Variants in GMDS observed in about 807,000 individuals in gnomAD.
GMDS encodes the protein GDP-mannose 4,6 dehydratase.
GMDS carries 20 observed loss-of-function variants against 49.9 expected under a neutral mutation model. The ratio of observed to expected loss-of-function variants is 0.40; its 90% CI spans 0.28 to 0.58. GMDS has a LOEUF of 0.58. GMDS is among the 20% of genes least tolerant of loss of function. GMDS has a pLI of 0.42. For missense variants in GMDS, 362 were observed against 481.4 expected (o/e 0.75, Z 2.32); for synonymous variants, 177 against 178.6 (o/e 0.99, Z 0.07).
At chr6:1,752,823 A>T (rs1480148902) in intron 7 of GMDS, among the ~76,000 whole-genome samples, 3 of 152,246 alleles carry the variant, frequency 2.0e-5, no homozygotes, top group Non-Finnish European at 4.4e-5. Flanking sequence ...TCCTTTACAG[A>T]CAAGCAAATG....
At chr6:2,039,725 G>T (rs1769538463) in intron 4 of GMDS, among the ~76,000 whole-genome samples, 2 of 152,030 alleles carry the variant, frequency 1.3e-5, no homozygotes, top group Admixed American at 6.6e-5. Context: ...GCAGTGATAT[G>T]CAAGGAGCTG....
chr6:2,179,399 C>A (rs1778421813), intron 1 of GMDS, among the ~76,000 whole-genome samples: 1 of 152,128 alleles, frequency 6.6e-6, no homozygotes, highest in African/African-American at 2.4e-5. Flanking sequence ...ACTTAATGCC[C>A]ACTGTGGTAG....
At chr6:1,720,105 T>C (rs1446281093) in intron 9 of GMDS, among the ~76,000 whole-genome samples, 1 of 152,200 alleles carries the variant, frequency 6.6e-6, no homozygotes, top group African/African-American at 2.4e-5. Flanking sequence ...TTTTGAGTCT[T>C]TAATGACATC....
chr6:2,211,619 T>A lies in GMDS; in HGVS notation c.102+33702A>T, dbSNP rs984762287. On this transcript the variant is annotated intron_variant, in intron 1 of 10. Coordinates refer to ENST00000380815, the MANE Select transcript of GMDS (RefSeq NM_001500.4). Reference sequence around the variant, plus strand: ...TGAAATGCTCAAATAGTCTCACTCCTCTTTGTAGCAAGATCTTCCCCACCA... The same window carrying A: ...TGAAATGCTCAAATAGTCTCACTCCACTTTGTAGCAAGATCTTCCCCACCA... 4.6e-5 allele frequency among the ~76,000 whole-genome samples: 7 copies of A among 152,268 alleles called. No individual in the cohort carries two copies. In the East Asian group the frequency reaches 1.2e-3, roughly 25 times the overall value.
chr6:2,065,457 C>T (rs1414244893), intron 4 of GMDS, among the ~76,000 whole-genome samples: 15 of 152,128 alleles, frequency 9.9e-5, no homozygotes, highest in African/African-American at 3.1e-4. Flanking sequence ...AGGCTTCAGA[C>T]GATCAAATTA....
chr6:1,721,416 G>GA (rs1402630430), intron 9 of GMDS, among the ~76,000 whole-genome samples: 4 of 151,894 alleles, frequency 2.6e-5, no homozygotes, highest in Non-Finnish European at 5.9e-5. Context: ...CAACTGAGGA[G>GA]ATTAAAAATA....
At chr6:2,034,250 T>C (rs1444277597) in intron 4 of GMDS, among the ~76,000 whole-genome samples, 1 of 152,186 alleles carries the variant, frequency 6.6e-6, no homozygotes, top group African/African-American at 2.4e-5. Flanking sequence ...TATAATCATC[T>C]TTGCTGTTTT....
chr6:1,787,380 A>G (rs1352133213), intron 7 of GMDS, among the ~76,000 whole-genome samples: 1 of 152,190 alleles, frequency 6.6e-6, no homozygotes, highest in African/African-American at 2.4e-5. Flanking sequence ...GAGTCTCCAC[A>G]TAAATCCCAG....
At chr6:2,084,410 A>C (rs1772887942) in intron 4 of GMDS, among the ~76,000 whole-genome samples, 1 of 152,166 alleles carries the variant, frequency 6.6e-6, no homozygotes, top group Non-Finnish European at 1.5e-5. Flanking sequence ...TGATGATCAA[A>C]CTTTCCAATC....
chr6:1,917,313 T>C (rs879209931), intron 7 of GMDS, among the ~76,000 whole-genome samples: 6 of 151,880 alleles, frequency 4.0e-5, no homozygotes, highest in African/African-American at 1.5e-4. Flanking sequence ...CACTGAGGAG[T>C]TGGCAGAGCA....
chr6:1,754,037 G>T (rs1236791128), intron 7 of GMDS, among the ~76,000 whole-genome samples: 1 of 152,120 alleles, frequency 6.6e-6, no homozygotes, highest in Non-Finnish European at 1.5e-5. Flanking sequence ...TAACATTAGA[G>T]CATAACTGAA....
At chr6:1,927,713 T>C (rs76315695) in intron 7 of GMDS, among the ~76,000 whole-genome samples, 2,399 of 152,336 alleles carry the variant, frequency 0.016, 29 homozygotes, top group Non-Finnish European at 0.026. Context: ...GGAAGTGAGA[T>C]GACAGCAGCG....
At chr6:1,740,698 T>TG (rs1236565440) in intron 8 of GMDS, among the ~76,000 whole-genome samples, 3 of 152,072 alleles carry the variant, frequency 2.0e-5, no homozygotes, top group South Asian at 2.1e-4. Context: ...TTTTTTTTTT[T>TG]GAAAAATGAG....
intron 1 of GMDS, among the ~76,000 whole-genome samples, chr6:2,182,554 G>A (rs1778600755): frequency 6.6e-6 from 1 of 152,160 alleles, no homozygotes; most frequent in Admixed American, 6.5e-5. Context: ...GTGTTTATTT[G>A]CAATTCCAAA....
chr6:2,221,698 C>G lies in GMDS; in HGVS notation c.102+23623G>C, dbSNP rs564738300. Among the ~76,000 whole-genome samples the G allele has an allele frequency of 6.6e-5, 10 of 152,278 alleles. No individual in the cohort carries two copies. The South Asian group carries it at 2.1e-3, about 32-fold the overall frequency. On this transcript the variant is annotated intron_variant, in intron 1 of 10. Coordinates refer to ENST00000380815, the MANE Select transcript of GMDS (RefSeq NM_001500.4). ...CCACCATGCCCGGCCTTAAAATGTT[C>G]TTTTAACAAAGGGATTTTAGTGAAT...
At chr6:2,224,497 G>A (rs1448268564) in intron 1 of GMDS, among the ~76,000 whole-genome samples, 1 of 152,206 alleles carries the variant, frequency 6.6e-6, no homozygotes, top group Non-Finnish European at 1.5e-5. Flanking sequence ...AGATCTCAAT[G>A]ATGCTTCTCA....
At chr6:1,728,224 T>C (rs1471717887) in intron 8 of GMDS, among the ~76,000 whole-genome samples, 1 of 152,214 alleles carries the variant, frequency 6.6e-6, no homozygotes, top group Non-Finnish European at 1.5e-5. Flanking sequence ...GTTAAGTCAT[T>C]ATTATTATTT....
chr6:2,223,038 C>T (rs189686383), intron 1 of GMDS, among the ~76,000 whole-genome samples: 3 of 152,194 alleles, frequency 2.0e-5, no homozygotes, highest in Non-Finnish European at 4.4e-5. Context: ...CTCTAGCTTG[C>T]CAGCCAGCCC....
At chr6:1,928,902 G>C (rs929705189) in intron 7 of GMDS, among the ~76,000 whole-genome samples, 6 of 152,098 alleles carry the variant, frequency 3.9e-5, no homozygotes, top group African/African-American at 1.4e-4. Flanking sequence ...CTGGGAGGCC[G>C]AGGTTGTAGT....
Sources: gnomAD v4.1 joint callset for allele counts (sites outside exome capture counted in the v4.1 genomes callset) on GRCh38, gnomAD v4.1.1 for gene constraint, MANE v1.5 for transcripts, NCBI Gene and HGNC (gene_info 2026-07-23, HGNC 2026-07-21) for gene names.